The following GPAM variants were observed in gnomAD, a reference collection of about 807,000 sequenced individuals.
The protein encoded by GPAM is glycerol-3-phosphate acyltransferase 1, mitochondrial.
Under a neutral mutation model 105.0 loss-of-function variants are expected in GPAM, and 56 were observed. That is an observed-to-expected ratio of 0.53 (90% CI 0.43 to 0.67). The LOEUF (loss-of-function observed/expected upper bound fraction) is 0.67. Ranked by LOEUF, GPAM falls within the 30% of genes least tolerant of loss-of-function variation. The pLI is 0.00. For missense variants in GPAM, 855 were observed against 989.8 expected (o/e 0.86, Z 1.83); for synonymous variants, 368 against 354.4 (o/e 1.04, Z -0.43).
In GPAM at chr10:112,168,693, TAACAACAAC is replaced by T. The variant is rs374622483; in HGVS notation, c.894+151_894+159del. ...CTCCTCCAATGCTATATTTTGGTAA[TAACAACAAC>T]AACAACAACAACAAATTACCAAACT... On this transcript the variant is annotated intron_variant, in intron 10 of 21. Coordinates refer to ENST00000348367, the MANE Select transcript of GPAM (RefSeq NM_001244949.2). 5.9e-5 allele frequency among the ~76,000 whole-genome samples: 9 copies of T among 151,966 alleles called. 1 individual carries two copies. The highest frequency in any genetic ancestry group is 1.3e-4 in the Non-Finnish European group (9 of 67,962).
intron 1 of GPAM, among the ~76,000 whole-genome samples, chr10:112,192,875 A>G (rs562363826): frequency 1.2e-4 from 19 of 152,226 alleles, no homozygotes; most frequent in Non-Finnish European, 2.4e-4. Flanking sequence ...AGAAGTGGGC[A>G]ATGATTCAGG....
chr10:112,216,338 C>A (rs1398088503), upstream of GPAM, among the ~76,000 whole-genome samples: 1 of 152,176 alleles, frequency 6.6e-6, no homozygotes, highest in Non-Finnish European at 1.5e-5. Flanking sequence ...AGTTCCCTGC[C>A]CTCCCAAAAC....
Position 112,160,798 on chromosome 10 carries a change from T to A in GPAM, c.1565A>T (p.Asp522Val), listed in dbSNP as rs1847110054. 6.2e-7 allele frequency: 1 copy of A among 1,613,734 alleles called. No homozygotes were observed. ...MKEEVLARDF[D>V]LGFSGNSEDV... ...TTCTGAATTTCCTGAGAACCCCAGG[T>A]CAAAATCACGAGCCAGGACTTCCTC... Residue 522 changes from aspartate (D) to valine (V), a missense_variant, in exon 16 of 22, where the codon GAC becomes GTC. Asp to Val is a radical substitution (Grantham distance 152, BLOSUM62 -3). Coordinates refer to ENST00000348367, the MANE Select transcript of GPAM (RefSeq NM_001244949.2).
At chr10:112,217,706 A>T (rs1466226070), upstream of GPAM, among the ~76,000 whole-genome samples, 1 of 152,160 alleles carries the variant, frequency 6.6e-6, no homozygotes, top group Non-Finnish European at 1.5e-5. Context: ...CTACAACCCT[A>T]AGCAAAAGGA....
In GPAM at chr10:112,151,370, G is replaced by A; in HGVS notation, c.*2180C>T. The stretch of plus-strand genomic sequence containing the variant: ...GTCATGAGGCACTGAAGAATGAGTT[G>A]TGCTGAAATTAACTCAAAGGTCAGC... On this transcript the variant is annotated 3_prime_UTR_variant, in exon 22 of 22. Transcript: ENST00000348367. 1 of 985,714 alleles carries A rather than the reference G, an allele frequency of 1.0e-6. No individual in the cohort carries two copies. The highest frequency in any genetic ancestry group is 1.7e-5 in the African/African-American group (1 of 57,328). 61.1% of individuals were successfully genotyped at this position (985,714 alleles called of 1,614,324 possible). A position where few individuals can be genotyped will look rare whatever the true frequency, so the allele number is the denominator to read the frequency against.
At chr10:112,195,226 G>T (rs1388573418) in intron 1 of GPAM, among the ~76,000 whole-genome samples, 1 of 151,958 alleles carries the variant, frequency 6.6e-6, no homozygotes, top group African/African-American at 2.4e-5. Flanking sequence ...TACCCCCATC[G>T]CTCTCCCTTG....
intron 13 of GPAM, among the ~76,000 whole-genome samples, chr10:112,164,052 T>C (rs148622185): frequency 6.6e-6 from 1 of 152,320 alleles, no homozygotes; most frequent in Non-Finnish European, 1.5e-5. Context: ...CCAAAACCAC[T>C]GGCAGAAAGA....
chr10:112,166,610 T>C, intron 11 of GPAM, 95 bp from the exon 12 acceptor site: 2 of 789,428 alleles, frequency 2.5e-6, no homozygotes, highest in South Asian at 2.7e-5. Flanking sequence ...TTATGGAAAC[T>C]GTAAGTTCAT....
At chr10:112,172,941 T>G (rs2792700) in intron 8 of GPAM, 29 bp downstream of exon 8, 1 of 1,150,386 alleles carries the variant, frequency 8.7e-7, no homozygotes. Flanking sequence ...GAGGGGAAAA[T>G]GGGGTAATAG....
chr10:112,201,791 G>C (rs532571532), intron 1 of GPAM, among the ~76,000 whole-genome samples: 1 of 151,948 alleles, frequency 6.6e-6, no homozygotes, highest in African/African-American at 2.4e-5. Flanking sequence ...AGCTCCATAA[G>C]AGCAGGAACT....
In GPAM at chr10:112,152,274, A is replaced by C; in HGVS notation, c.*1276T>G. ...ACATGATATTTAAAAAATCACCATA[A>C]TTACCATAATAAACCAATAATTATG... On this transcript the variant is annotated 3_prime_UTR_variant, in exon 22 of 22. Coordinates refer to ENST00000348367, the MANE Select transcript of GPAM (RefSeq NM_001244949.2). The C allele has an allele frequency of 1.0e-6, 1 of 981,930 alleles. No homozygotes were observed. Among genetic ancestry groups the C allele is most frequent in the Non-Finnish European group, 1.2e-6 (1 of 826,712 alleles). The allele number at this position is 981,930 out of a possible 1,614,324, so 60.8% of individuals were successfully genotyped here.
rs566352411 is a variant in GPAM, at chr10:112,152,567, G to C, written c.*983C>G. ...GGGTGCAGTACACAATCTGTGTGCAGTACAGAAAGCCCTCATCAGCTGTGG... is the reference window on the plus strand; with the variant it reads ...GGGTGCAGTACACAATCTGTGTGCACTACAGAAAGCCCTCATCAGCTGTGG... On this transcript the variant is annotated 3_prime_UTR_variant, in exon 22 of 22. Coordinates refer to ENST00000348367, the MANE Select transcript of GPAM (RefSeq NM_001244949.2). 3 of 985,312 alleles carry C rather than the reference G, an allele frequency of 3.0e-6. No homozygotes were observed. The highest frequency in any genetic ancestry group is 1.7e-5 in the African/African-American group (1 of 57,246). The allele number at this position is 985,312 out of a possible 1,614,324, so 61.0% of individuals were successfully genotyped here.
intron 1 of GPAM, among the ~76,000 whole-genome samples, chr10:112,199,377 G>A (rs1847766103): frequency 2.0e-5 from 3 of 152,136 alleles, no homozygotes; most frequent in Admixed American, 2.0e-4. Context: ...GTAGAATGGT[G>A]GTTATCAGCA....
intron 1 of GPAM, among the ~76,000 whole-genome samples, chr10:112,195,783 G>A (rs59518866): frequency 0.071 from 10,861 of 152,278 alleles, 1,339 homozygotes; most frequent in African/African-American, 0.25. Flanking sequence ...AGCTACTTAT[G>A]AAAGGACAGG....
chr10:112,176,494 C>A (rs1847407488), intron 5 of GPAM, among the ~76,000 whole-genome samples: 1 of 152,108 alleles, frequency 6.6e-6, no homozygotes, highest in African/African-American at 2.4e-5. Flanking sequence ...TGAAAAGACC[C>A]AGAATACCCT....
upstream of GPAM, among the ~76,000 whole-genome samples, chr10:112,185,690 G>A (rs191867404): frequency 3.2e-4 from 48 of 151,856 alleles, no homozygotes; most frequent in Admixed American, 8.5e-4. Context: ...GGAGAATGGC[G>A]TGAACCCAGG....
rs1010803617 is a variant in GPAM, at chr10:112,152,922, T to C, written c.*628A>G. The C allele has an allele frequency of 5.3e-6, 1 of 189,060 alleles. No homozygotes were observed. The highest frequency in any genetic ancestry group is 2.4e-5 in the African/African-American group (1 of 42,096). The allele number at this position is 189,060 out of a possible 1,614,324, so 11.7% of individuals were successfully genotyped here. A position where few individuals can be genotyped will look rare whatever the true frequency, so the allele number is the denominator to read the frequency against. Reference sequence around the variant, plus strand: ...CCCGACCTAAACTAATATTGTCTGTTTTCACATAGCTCTTAAAAACATTTC... The same window carrying C: ...CCCGACCTAAACTAATATTGTCTGTCTTCACATAGCTCTTAAAAACATTTC... On this transcript the variant is annotated 3_prime_UTR_variant, in exon 22 of 22. Coordinates refer to ENST00000348367, the MANE Select transcript of GPAM (RefSeq NM_001244949.2).
upstream of GPAM, among the ~76,000 whole-genome samples, chr10:112,186,165 G>A (rs139360932): frequency 8.7e-3 from 1,316 of 152,000 alleles, 13 homozygotes; most frequent in Middle Eastern, 0.014. Context: ...CTGTACAGAG[G>A]AACAAAGATA....
At chr10:112,181,980 T>G (rs1384333680) in intron 2 of GPAM, among the ~76,000 whole-genome samples, 167 bp from the exon 3 acceptor site, 1 of 152,090 alleles carries the variant, frequency 6.6e-6, no homozygotes, top group Admixed American at 6.6e-5. Context: ...GATGTGTTTA[T>G]ATGAACACAG....
Sources: allele counts gnomAD v4.1 joint callset (sites outside exome capture counted in the v4.1 genomes callset), GRCh38; gene constraint gnomAD v4.1.1; transcripts MANE v1.5; gene names NCBI Gene and HGNC (gene_info 2026-07-23, HGNC 2026-07-21).